Variants in TMEM273 observed in about 807,000 individuals in gnomAD.
TMEM273 encodes transmembrane protein 273.
In TMEM273, 19 loss-of-function variants were observed where a neutral mutation model predicts 17.9. The observed-to-expected ratio is 1.06, with a 90% confidence interval of 0.74 to 1.55. The LOEUF (loss-of-function observed/expected upper bound fraction) is 1.55. Ranked by LOEUF, TMEM273 falls within the 40% of genes most tolerant of loss-of-function variation. TMEM273 has a pLI of 0.00. For missense variants in TMEM273, 194 were observed against 155.6 expected (o/e 1.25, Z -1.31); for synonymous variants, 66 against 62.0 (o/e 1.07, Z -0.31).
intron 5 of TMEM273, among the ~76,000 whole-genome samples, chr10:49,164,311 G>T (rs559874970): frequency 6.6e-6 from 1 of 152,114 alleles, no homozygotes; most frequent in East Asian, 1.9e-4. Flanking sequence ...CCAGGTCCCT[G>T]GGCCAGCTCC....
chr10:49,159,075 G>A lies in TMEM273; in HGVS notation c.372+2524C>T, dbSNP rs534438471. Among the ~76,000 whole-genome samples the A allele has an allele frequency of 3.3e-5, 5 of 152,158 alleles. No homozygotes were observed. The South Asian group carries it at 1.0e-3, about 32-fold the overall frequency. ...CAGTAGGTAGGAACACGGTAGAGTG[G>A]ACAGTTACAAGAGAAACACTTCTCT... is the stretch of plus-strand genomic sequence containing the variant. On this transcript the variant is annotated intron_variant, in intron 6 of 6. Coordinates refer to ENST00000374153, the MANE Select transcript of TMEM273 (RefSeq NM_001288740.3).
Position 49,186,069 on chromosome 10 carries a change from G to GAAGAAGAAGAAGAAT in TMEM273, c.43+2224_43+2225insATTCTTCTTCTTCTT, listed in dbSNP as rs1847673942. 3.2e-5 allele frequency among the ~76,000 whole-genome samples: 3 copies of GAAGAAGAAGAAGAAT among 95,008 alleles called. 1 individual carries two copies. Among genetic ancestry groups the GAAGAAGAAGAAGAAT allele is most frequent in the African/African-American group, 1.3e-4 (3 of 23,706 alleles). 62.3% of individuals were successfully genotyped at this position (95,008 alleles called of 152,430 possible). A position where few individuals can be genotyped will look rare whatever the true frequency, so the allele number is the denominator to read the frequency against. On this transcript the variant is annotated intron_variant, in intron 1 of 6. Coordinates refer to ENST00000374153, the MANE Select transcript of TMEM273 (RefSeq NM_001288740.3). The stretch of plus-strand genomic sequence containing the variant: ...AGAAGAAGAGGAAGAAGAAGAAGAG[G>GAAGAAGAAGAAGAAT]AAGAAGAAGAAGAAGAAGAAGAAGA...
intron 6 of TMEM273, chr10:49,161,334 C>G: frequency 1.8e-6 from 1 of 546,136 alleles, no homozygotes; most frequent in Non-Finnish European, 3.3e-6. Flanking sequence ...AAAAGTTTAC[C>G]TATCCTGTTA....
chr10:49,187,592 G>T (rs1847803872), intron 1 of TMEM273, among the ~76,000 whole-genome samples: 1 of 152,096 alleles, frequency 6.6e-6, no homozygotes, highest in South Asian at 2.1e-4. Context: ...CTCCATCTAT[G>T]CATATTTCTA....
chr10:49,161,724 C>T lies in TMEM273; in HGVS notation c.349-102G>A, dbSNP rs541460662. On this transcript the variant is annotated intron_variant, in intron 5 of 6. Transcript: ENST00000374153. The stretch of plus-strand genomic sequence containing the variant: ...GAGTGGCTTGCTTGTCATTAGCTTG[C>T]TCTTTTGGGTCTGACTTCCTCATGA... 169 of 1,473,862 alleles carry T rather than the reference C, an allele frequency of 1.1e-4. 2 individuals carry two copies. In the African/African-American group the frequency reaches 2.1e-3, roughly 19 times the overall value. The allele number at this position is 1,473,862 out of a possible 1,614,324, so 91.3% of individuals were successfully genotyped here. A position where few individuals can be genotyped will look rare whatever the true frequency, so the allele number is the denominator to read the frequency against.
chr10:49,159,430 A>T (rs970961871), intron 6 of TMEM273, among the ~76,000 whole-genome samples: 1 of 152,188 alleles, frequency 6.6e-6, no homozygotes, highest in African/African-American at 2.4e-5. Context: ...TTCTGGAGGC[A>T]TTTTGTGTGT....
At position 49,165,113 on chromosome 10, in the gene TMEM273, C is replaced by T. The variant is rs544334512; in HGVS notation, c.348+92G>A. The stretch of plus-strand genomic sequence containing the variant: ...ATGCAAAATAGACAAATCAATATAT[C>T]GTATAGCATCAACTAGTGCAAAGAA... On this transcript the variant is annotated intron_variant, in intron 5 of 6. Transcript: ENST00000374153. 2.2e-5 allele frequency: 31 copies of T among 1,435,022 alleles called. No individual in the cohort carries two copies. The African/African-American group carries it at 3.9e-4, about 18-fold the overall frequency. 88.9% of individuals were successfully genotyped at this position (1,435,022 alleles called of 1,614,324 possible). A position where few individuals can be genotyped will look rare whatever the true frequency, so the allele number is the denominator to read the frequency against.
At chr10:49,164,988 C>G in intron 5 of TMEM273, among the ~76,000 whole-genome samples, 1 of 152,256 alleles carries the variant, frequency 6.6e-6, no homozygotes, top group Admixed American at 6.5e-5. Flanking sequence ...AACACATATG[C>G]AAGTATCCAC....
chr10:49,185,137 T>C (rs1158014081), intron 1 of TMEM273, among the ~76,000 whole-genome samples: 2 of 152,224 alleles, frequency 1.3e-5, no homozygotes, highest in African/African-American at 4.8e-5. Context: ...GATGGATACA[T>C]TGATTTAGCT....
intron 1 of TMEM273, among the ~76,000 whole-genome samples, chr10:49,187,626 GTC>G (rs61599274): frequency 9.3e-5 from 14 of 151,288 alleles, no homozygotes; most frequent in East Asian, 1.9e-4. Flanking sequence ...GTCTCTGTCT[GTC>G]TCTCTCTCTC....
At chr10:49,180,710 G>T (rs998726339) in intron 1 of TMEM273, among the ~76,000 whole-genome samples, 2 of 152,116 alleles carry the variant, frequency 1.3e-5, no homozygotes, top group African/African-American at 4.8e-5. Context: ...AGAGTCATCT[G>T]ACAGAGGTGT....
intron 6 of TMEM273, among the ~76,000 whole-genome samples, chr10:49,159,646 T>C (rs776660893): frequency 8.5e-5 from 13 of 152,116 alleles, no homozygotes; most frequent in Non-Finnish European, 1.3e-4. Flanking sequence ...TGAGCACACA[T>C]TGTGCCCAGA....
intron 1 of TMEM273, among the ~76,000 whole-genome samples, chr10:49,185,020 A>G (rs984311653): frequency 1.3e-5 from 2 of 152,262 alleles, no homozygotes; most frequent in Admixed American, 1.3e-4. Flanking sequence ...CTGCAAAGTA[A>G]CCCAGGAAGG....
At chr10:49,178,401 T>C (rs144055220) in intron 1 of TMEM273, 6,673 of 424,772 alleles carry the variant, frequency 0.016, 268 homozygotes, top group South Asian at 0.091. Context: ...CAAGACCAGA[T>C]CTCTCCCCTG....
At chr10:49,157,727 G>A (rs2132079254) in intron 6 of TMEM273, among the ~76,000 whole-genome samples, 1 of 152,336 alleles carries the variant, frequency 6.6e-6, no homozygotes, top group South Asian at 2.1e-4. Context: ...CCTAGAGCCA[G>A]CATGTTACTT....
chr10:49,160,487 G>C (rs1564619950), intron 6 of TMEM273: 1 of 152,014 alleles, frequency 6.6e-6, no homozygotes, highest in African/African-American at 2.4e-5. Context: ...CAGAGGGGCT[G>C]TTCAATACTG....
At chr10:49,162,188 G>C (rs2132112932) in intron 5 of TMEM273, among the ~76,000 whole-genome samples, 1 of 152,252 alleles carries the variant, frequency 6.6e-6, no homozygotes, top group Middle Eastern at 3.4e-3. Context: ...CACAGTGACT[G>C]CTCATTCAGC....
In TMEM273 at chr10:49,155,900, C is replaced by T. The variant is rs776189254; in HGVS notation, c.382G>A (p.Gly128Ser). The T allele has an allele frequency of 6.2e-7, 1 of 1,614,214 alleles. No individual in the cohort carries two copies. Among genetic ancestry groups the T allele is most frequent in the Non-Finnish European group, 8.5e-7 (1 of 1,180,030 alleles). ...CACTGCTCACCTACAGCTCAATCAC[C>T]TGTGCATCTCTGGAAAGGAAGAGAA... ...KPQFLQKRCT[G>S]D The change falls in exon 7 of 7, where the codon GGT (glycine) becomes AGT (serine). Residue 128 changes from glycine (G) to serine (S), a missense_variant. Coordinates refer to ENST00000374153, the MANE Select transcript of TMEM273 (RefSeq NM_001288740.3).
intron 1 of TMEM273, among the ~76,000 whole-genome samples, chr10:49,185,841 G>A (rs1045164591): frequency 1.1e-4 from 17 of 151,778 alleles, no homozygotes; most frequent in African/African-American, 3.6e-4. Flanking sequence ...AGCCAGGTGC[G>A]GGGGCATGTG....
Sources: allele counts gnomAD v4.1 joint callset (sites outside exome capture counted in the v4.1 genomes callset), GRCh38; gene constraint gnomAD v4.1.1; transcripts MANE v1.5; gene names NCBI Gene and HGNC (gene_info 2026-07-23, HGNC 2026-07-21).